FOXN3: variants seen among roughly 807,000 people sequenced by gnomAD.
FOXN3 encodes the protein forkhead box protein N3.
A neutral mutation model predicts 38.4 loss-of-function variants in FOXN3; 7 were observed. The observed-to-expected ratio is 0.18, with a 90% CI of 0.10 to 0.34. The LOEUF (loss-of-function observed/expected upper bound fraction) is 0.34. Ranked by LOEUF, FOXN3 falls within the 10% of genes least tolerant of loss-of-function variation. The probability of loss-of-function intolerance (pLI) is 1.00; values close to 1 mark genes in which losing one functional copy is unlikely to be tolerated. For missense variants in FOXN3, 456 were observed against 613.4 expected, an observed-to-expected ratio of 0.74 and a Z score of 2.71; for synonymous variants, 230 against 242.2, an observed-to-expected ratio of 0.95 and a Z score of 0.47.
At chr14:89,366,475 A>G (rs536037933) in intron 2 of FOXN3, among the ~76,000 whole-genome samples, 1 of 152,342 alleles carries the variant, frequency 6.6e-6, no homozygotes, top group East Asian at 1.9e-4. Context: ...AGTAAAAGAC[A>G]TACATTAAAT....
chr14:89,225,598 C>T (rs1445856538), intron 4 of FOXN3, among the ~76,000 whole-genome samples: 8 of 151,672 alleles, frequency 5.3e-5, no homozygotes, highest in African/African-American at 1.2e-4. Flanking sequence ...AGCAAGACTC[C>T]GTCTCAAAAA....
intron 3 of FOXN3, among the ~76,000 whole-genome samples, chr14:89,348,424 A>T (rs554412861): frequency 1.3e-5 from 2 of 152,238 alleles, no homozygotes; most frequent in South Asian, 4.1e-4. Context: ...AATATTGTAC[A>T]ATTACCCAGT....
chr14:89,248,011 T>C (rs1244312459), intron 4 of FOXN3, among the ~76,000 whole-genome samples: 1 of 152,238 alleles, frequency 6.6e-6, no homozygotes, highest in African/African-American at 2.4e-5. Context: ...CTTCTCATCA[T>C]TTTGGAATCG....
chr14:89,557,445 G>T (rs1014495764), intron 1 of FOXN3, among the ~76,000 whole-genome samples: 1 of 152,162 alleles, frequency 6.6e-6, no homozygotes, highest in African/African-American at 2.4e-5. Context: ...TTGAACAGGG[G>T]ATCATTCCAA....
intron 1 of FOXN3, among the ~76,000 whole-genome samples, chr14:89,573,850 G>A (rs1298165594): frequency 6.6e-6 from 1 of 151,988 alleles, no homozygotes; most frequent in Non-Finnish European, 1.5e-5. Flanking sequence ...TGAGCAACAT[G>A]GGGAGACCCT....
chr14:89,402,052 TTA>T (rs1223257548), intron 2 of FOXN3, among the ~76,000 whole-genome samples: 2 of 152,182 alleles, frequency 1.3e-5, no homozygotes, highest in African/African-American at 4.8e-5. Flanking sequence ...GTCTGTAATC[TTA>T]CATAGCAATC....
rs1891577675 is a variant in FOXN3 at position 89,412,816 on chromosome 14, T to C, written c.-14-326A>G. On this transcript the variant is annotated intron_variant, in intron 1 of 5. Transcript: ENST00000557258. The surrounding 1 kb of genome is among the most constrained non-coding windows in gnomAD (Gnocchi z 4.7). ...TGGGAGGCTGAGGCGGGACGATTGCTTGAGACCAGGAGACCAGTTTTAAAG... is the reference window on the plus strand; with the variant it reads ...TGGGAGGCTGAGGCGGGACGATTGCCTGAGACCAGGAGACCAGTTTTAAAG... 6.6e-6 allele frequency among the ~76,000 whole-genome samples: 1 copy of C among 152,190 alleles called. No individual in the cohort carries two copies. The highest frequency in any genetic ancestry group is 1.5e-5 in the Non-Finnish European group (1 of 68,034).
chr14:89,613,562 C>G (rs948754065), intron 1 of FOXN3, among the ~76,000 whole-genome samples: 3 of 152,222 alleles, frequency 2.0e-5, no homozygotes, highest in Non-Finnish European at 2.9e-5. Flanking sequence ...ATCGTTACCA[C>G]AGCCAACTAT....
intron 1 of FOXN3, among the ~76,000 whole-genome samples, chr14:89,530,717 C>T (rs1894541634): frequency 1.3e-5 from 2 of 151,440 alleles, no homozygotes; most frequent in South Asian, 2.1e-4. Flanking sequence ...TCAAGGGATT[C>T]TCCTGCTTTA....
At chr14:89,193,851 C>T (rs1888028492) in intron 4 of FOXN3, among the ~76,000 whole-genome samples, 1 of 152,154 alleles carries the variant, frequency 6.6e-6, no homozygotes, top group East Asian at 1.9e-4. Context: ...TTTGCCACTA[C>T]TTGAAATTGT....
intron 3 of FOXN3, among the ~76,000 whole-genome samples, chr14:89,308,075 G>A (rs1285622862): frequency 6.6e-6 from 1 of 152,104 alleles, no homozygotes; most frequent in Admixed American, 6.5e-5. Flanking sequence ...GACCAGCCTG[G>A]GCAACATGGT....
intron 2 of FOXN3, among the ~76,000 whole-genome samples, chr14:89,373,482 G>A (rs1170051183): frequency 1.3e-5 from 2 of 149,782 alleles, no homozygotes; most frequent in South Asian, 4.3e-4. Flanking sequence ...GGGGTGGGGG[G>A]AGACCAATGA....
At chr14:89,364,333 TTC>T (rs1441461026) in intron 2 of FOXN3, 2 of 136,068 alleles carry the variant, frequency 1.5e-5, no homozygotes, top group South Asian at 2.4e-4. Context: ...CTCTAATAGT[TTC>T]TTTTTGTTTG....
At chr14:89,336,802 G>A (rs1327692178) in intron 3 of FOXN3, among the ~76,000 whole-genome samples, 1 of 152,160 alleles carries the variant, frequency 6.6e-6, no homozygotes, top group East Asian at 1.9e-4. Flanking sequence ...TTTCTTAGAA[G>A]CCTAGAATAT....
chr14:89,207,201 A>C (rs536327758), intron 4 of FOXN3, among the ~76,000 whole-genome samples: 16 of 152,192 alleles, frequency 1.1e-4, no homozygotes, highest in African/African-American at 3.9e-4. Flanking sequence ...GCCTGGGCAA[A>C]AAGAGCAAAA....
At chr14:89,515,097 A>G (rs1412747744) in intron 1 of FOXN3, among the ~76,000 whole-genome samples, 1 of 151,442 alleles carries the variant, frequency 6.6e-6, no homozygotes, top group Non-Finnish European at 1.5e-5. Context: ...TTTTTTTTGT[A>G]TTTTTAGTAG....
intron 1 of FOXN3, among the ~76,000 whole-genome samples, chr14:89,502,087 G>C (rs28684421): frequency 0.028 from 4,252 of 152,308 alleles, 204 homozygotes; most frequent in African/African-American, 0.097. Flanking sequence ...GGAATCGCTT[G>C]AACCCGGGAG....
intron 3 of FOXN3, among the ~76,000 whole-genome samples, chr14:89,345,183 T>C (rs1888726756): frequency 6.6e-6 from 1 of 152,138 alleles, no homozygotes; most frequent in African/African-American, 2.4e-5. Context: ...ACCCCTCGTG[T>C]GGCTCAGCAG....
At chr14:89,286,391 G>A (rs990838583) in intron 3 of FOXN3, among the ~76,000 whole-genome samples, 2 of 152,138 alleles carry the variant, frequency 1.3e-5, no homozygotes, top group Admixed American at 6.5e-5. Context: ...ACGGGGATGG[G>A]GTGGGGGGAA....
Sources: gnomAD v4.1 joint callset for allele counts (sites outside exome capture counted in the v4.1 genomes callset) on GRCh38, gnomAD v4.1.1 for gene constraint, Gnocchi (gnomAD v3.1) non-coding constraint, MANE v1.5 for transcripts, NCBI Gene and HGNC (gene_info 2026-07-23, HGNC 2026-07-21) for gene names.